The following GRIP1 variants were observed in gnomAD, a reference collection of about 807,000 sequenced individuals.
GRIP1 encodes glutamate receptor-interacting protein 1.
In GRIP1, 45 loss-of-function variants were observed where a neutral mutation model predicts 129.9. The ratio of observed to expected loss-of-function variants is 0.35; its 90% CI spans 0.27 to 0.44. The LOEUF (loss-of-function observed/expected upper bound fraction) is 0.44. Among genes scored for constraint, GRIP1 ranks in the 20% least tolerant of loss-of-function variants. GRIP1 has a pLI of 1.00. For synonymous variants in GRIP1, 530 were observed against 520.8 expected (o/e 1.02, Z -0.24); for missense variants, 1,196 against 1,396.8 (o/e 0.86, Z 2.29).
intron 1 of GRIP1, among the ~76,000 whole-genome samples, chr12:66,883,370 AT>A (rs1182214491): frequency 1.4e-4 from 22 of 152,292 alleles, no homozygotes; most frequent in African/African-American, 4.1e-4. Flanking sequence ...CACAGTACCC[AT>A]CAAAATACCC....
At chr12:66,468,709 C>T (rs1332949585) in intron 7 of GRIP1, among the ~76,000 whole-genome samples, 2 of 149,620 alleles carry the variant, frequency 1.3e-5, no homozygotes, top group African/African-American at 2.5e-5. Flanking sequence ...GTATATTTGC[C>T]AAAGTATTAA....
intron 1 of GRIP1, among the ~76,000 whole-genome samples, chr12:66,757,337 G>A (rs190964825): frequency 1.8e-3 from 279 of 152,194 alleles, no homozygotes; most frequent in Middle Eastern, 3.4e-3. Flanking sequence ...TGTGAAGTTT[G>A]TCTTTCTGTG....
chr12:66,638,571 C>G (rs933731195), intron 1 of GRIP1, among the ~76,000 whole-genome samples: 1 of 152,192 alleles, frequency 6.6e-6, no homozygotes, highest in African/African-American at 2.4e-5. Flanking sequence ...ATCAGCCAGG[C>G]TCCTTGATTC....
At chr12:66,650,514 T>C (rs549981110) in intron 1 of GRIP1, among the ~76,000 whole-genome samples, 1 of 152,320 alleles carries the variant, frequency 6.6e-6, no homozygotes, top group South Asian at 2.1e-4. Flanking sequence ...ATGAGTTGCA[T>C]AGCTTTCTGG....
At chr12:66,474,131 A>G (rs980742653) in intron 7 of GRIP1, among the ~76,000 whole-genome samples, 2 of 152,050 alleles carry the variant, frequency 1.3e-5, no homozygotes, top group African/African-American at 4.8e-5. Context: ...TTTAGAGAAG[A>G]ACATAAATGA....
At chr12:66,995,465 T>G (rs1340412161) in intron 1 of GRIP1, among the ~76,000 whole-genome samples, 3 of 151,976 alleles carry the variant, frequency 2.0e-5, no homozygotes, top group Non-Finnish European at 4.4e-5. Context: ...TGGACTTATA[T>G]CTAGAATGTA....
chr12:66,461,246 T>C (rs1474519786), intron 9 of GRIP1, among the ~76,000 whole-genome samples: 1 of 152,230 alleles, frequency 6.6e-6, no homozygotes, highest in East Asian at 1.9e-4. Flanking sequence ...TAAAAGAGAT[T>C]ACTAAAGATG....
intron 7 of GRIP1, among the ~76,000 whole-genome samples, chr12:66,488,594 G>A (rs1182066389): frequency 6.6e-6 from 1 of 152,086 alleles, no homozygotes; most frequent in Non-Finnish European, 1.5e-5. Flanking sequence ...AAACTCAAAA[G>A]CTAGCAGAGG....
intron 1 of GRIP1, among the ~76,000 whole-genome samples, chr12:66,687,904 T>C (rs2034841734): frequency 6.6e-6 from 1 of 152,182 alleles, no homozygotes; most frequent in Non-Finnish European, 1.5e-5. Context: ...GCTAATGAGA[T>C]GTAATCCCAG....
intron 1 of GRIP1, among the ~76,000 whole-genome samples, chr12:66,747,796 G>C (rs2136596130): frequency 6.6e-6 from 1 of 152,062 alleles, no homozygotes; most frequent in South Asian, 2.1e-4. Context: ...AGAGTGTCTG[G>C]CTCAATAAAA....
intron 15 of GRIP1, among the ~76,000 whole-genome samples, 165 bp from the exon 16 acceptor site, chr12:66,406,593 T>G (rs188555874): frequency 6.6e-6 from 1 of 152,202 alleles, no homozygotes; most frequent in South Asian, 2.1e-4. Flanking sequence ...CTTCTAGTCT[T>G]ATTTGGGTTG....
intron 1 of GRIP1, among the ~76,000 whole-genome samples, chr12:66,619,114 A>T (rs557400861): frequency 6.6e-6 from 1 of 152,242 alleles, no homozygotes; most frequent in East Asian, 1.9e-4. Flanking sequence ...GAACCCAAGG[A>T]ATGAAGATCA....
At chr12:66,743,825 G>A (rs150812498) in intron 1 of GRIP1, among the ~76,000 whole-genome samples, 1 of 152,280 alleles carries the variant, frequency 6.6e-6, no homozygotes, top group East Asian at 1.9e-4. Flanking sequence ...AAGGGCTACA[G>A]CTATGGAAAG....
chr12:66,379,281 C>T lies in GRIP1; in HGVS notation c.2620G>A (p.Gly874Ser), dbSNP rs565811258. The change falls in exon 20 of 25, where the codon GGT (glycine) becomes AGT (serine). Residue 874 changes from glycine to serine, a missense_variant and splice_region_variant. Gly to Ser is a moderately conservative substitution (Grantham distance 56). This residue lies in a region of GRIP1 where 427 missense variants were observed against 463.3 expected (regional missense o/e 0.92). Transcript: ENST00000359742. ...YEDWDRSTASGFAGAADSAET... is the reference protein window; with the variant it reads ...YEDWDRSTASSFAGAADSAET... ...GGCAGCATTGGTTGAAAACCTTACC[C>T]ACTGGCTGTGGACCGGTCCCAGTCT... The T allele has an allele frequency of 4.3e-5, 69 of 1,613,722 alleles. No individual in the cohort carries two copies. The African/African-American group carries it at 7.6e-4, about 18-fold the overall frequency.
intron 7 of GRIP1, among the ~76,000 whole-genome samples, chr12:66,466,644 G>T (rs1360520807): frequency 1.3e-5 from 2 of 152,026 alleles, no homozygotes; most frequent in African/African-American, 4.8e-5. Flanking sequence ...CCTATACAAT[G>T]GTATCTTTTC....
chr12:66,696,964 G>C (rs1258155027), intron 1 of GRIP1, among the ~76,000 whole-genome samples: 1 of 152,168 alleles, frequency 6.6e-6, no homozygotes, highest in Non-Finnish European at 1.5e-5. Context: ...TTTATAAACT[G>C]TGCTTCCCAG....
chr12:66,428,840 C>T (rs6581692), intron 14 of GRIP1, among the ~76,000 whole-genome samples: 72,478 of 152,026 alleles, frequency 0.48, 20,602 homozygotes, highest in Non-Finnish European at 0.63. Context: ...AAGGACTTTA[C>T]TGATAATGGG....
At chr12:66,775,288 G>T (rs972597784) in intron 1 of GRIP1, among the ~76,000 whole-genome samples, 1 of 152,166 alleles carries the variant, frequency 6.6e-6, no homozygotes, top group Non-Finnish European at 1.5e-5. Context: ...GAATTTCTAT[G>T]TGCAGATTAA....
chr12:66,959,140 G>A (rs1001744988), intron 1 of GRIP1, among the ~76,000 whole-genome samples: 6 of 152,096 alleles, frequency 3.9e-5, no homozygotes, highest in Admixed American at 3.9e-4. Flanking sequence ...AAGAGTGCCT[G>A]TATATCAAAG....
Sources: gnomAD v4.1 joint callset for allele counts (sites outside exome capture counted in the v4.1 genomes callset) on GRCh38, gnomAD v4.1.1 for gene constraint, gnomAD v4.1.1 regional missense constraint, MANE v1.5 for transcripts, NCBI Gene and HGNC (gene_info 2026-07-23, HGNC 2026-07-21) for gene names.